Variants in AGGF1 observed in about 807,000 individuals in gnomAD.
AGGF1 encodes the protein angiogenic factor with G patch and FHA domains 1.
AGGF1 carries 56 observed loss-of-function variants against 86.5 expected under a neutral mutation model. The observed-to-expected ratio is 0.65, with a 90% CI of 0.52 to 0.81. The LOEUF is 0.81. Ranked by LOEUF, AGGF1 falls within the 30% of genes least tolerant of loss-of-function variation. AGGF1 has a pLI of 0.00. For synonymous variants in AGGF1, 313 were observed against 297.1 expected, an observed-to-expected ratio of 1.05 and a Z score of -0.55; for missense variants, 816 against 850.9, an observed-to-expected ratio of 0.96 and a Z score of 0.51.
At position 77,030,406 on chromosome 5, in the gene AGGF1, C is replaced by T. The variant is rs746392812; in HGVS notation, c.-361C>T. 21 of 494,832 alleles carry T rather than the reference C, an allele frequency of 4.2e-5. No individual in the cohort carries two copies. The highest frequency in any genetic ancestry group is 1.8e-4 in the South Asian group (12 of 64,904). 30.7% of individuals were successfully genotyped at this position (494,832 alleles called of 1,614,324 possible). On this transcript the variant is annotated 5_prime_UTR_variant, in exon 1 of 14. Transcript: ENST00000312916. ...TCTTGGTCCCGCCTGCCGCTGGCGC[C>T]GTTGTTTCCGGCTCAACTGGGGAGC... is the stretch of plus-strand genomic sequence containing the variant.
chr5:77,052,670 A>C, intron 8 of AGGF1, 36 bp from the exon 9 acceptor site: 1 of 1,466,514 alleles, frequency 6.8e-7, no homozygotes, highest in Non-Finnish European at 9.5e-7. Context: ...TTTGAAAAGT[A>C]TAATAATTAA....
At chr5:77,057,853 GTT>G (rs1747487264) in intron 11 of AGGF1, among the ~76,000 whole-genome samples, 1 of 152,206 alleles carries the variant, frequency 6.6e-6, no homozygotes, top group Non-Finnish European at 1.5e-5. Flanking sequence ...AGCCTGGACT[GTT>G]TTAGCCAATC....
rs1451342171 is a variant in AGGF1 at position 77,064,887 on chromosome 5, G to A, written c.*1635G>A. The A allele has an allele frequency of 2.0e-5, 3 of 152,076 alleles. No individual in the cohort carries two copies. Among genetic ancestry groups the A allele is most frequent in the Non-Finnish European group, 4.4e-5 (3 of 68,022 alleles). The allele number at this position is 152,076 out of a possible 1,614,324, so 9.4% of individuals were successfully genotyped here. On this transcript the variant is annotated 3_prime_UTR_variant, in exon 14 of 14. Transcript: ENST00000312916. ...TTTCCATTTGTATTATTATATTGGG[G>A]AAAACATTTTTTATCATTTTCTATT...
In AGGF1 at chr5:77,030,719, C is replaced by T. The variant is rs74730389; in HGVS notation, c.-48C>T. On this transcript the variant is annotated 5_prime_UTR_variant, in exon 1 of 14. Coordinates refer to ENST00000312916, the MANE Select transcript of AGGF1 (RefSeq NM_018046.5). ...CTGGGTCCGCCGGCGTCCGTTTCGG[C>T]CTGAACGCAGCCCCTCCGCGGCGAC... is the stretch of plus-strand genomic sequence containing the variant. 2,566 of 1,539,904 alleles carry T rather than the reference C, an allele frequency of 1.7e-3. 29 individuals are homozygous for T. In the African/African-American group the frequency reaches 0.029, roughly 17 times the overall value.
intron 4 of AGGF1, among the ~76,000 whole-genome samples, chr5:77,038,188 G>A (rs1015107897): frequency 6.6e-6 from 1 of 152,146 alleles, no homozygotes; most frequent in African/African-American, 2.4e-5. Context: ...TAAAGAGAGG[G>A]TTTTCTTTCA....
chr5:77,062,901 A>G (rs1747586839), intron 13 of AGGF1, 151 bp from the exon 14 acceptor site: 3 of 767,612 alleles, frequency 3.9e-6, no homozygotes, highest in Admixed American at 2.0e-5. Flanking sequence ...AAAGGTATAT[A>G]TATTCCTGTA....
intron 8 of AGGF1, among the ~76,000 whole-genome samples, chr5:77,050,232 C>T (rs533779457): frequency 8.6e-5 from 13 of 150,644 alleles, no homozygotes; most frequent in Admixed American, 2.0e-4. Context: ...AATAGCAAAG[C>T]GATCTGAGAT....
chr5:77,038,218 A>G (rs1163369632), intron 4 of AGGF1, among the ~76,000 whole-genome samples: 1 of 152,238 alleles, frequency 6.6e-6, no homozygotes. Context: ...CTAATTGACA[A>G]TGCTAATTAA....
At chr5:77,038,106 C>T (rs888960586) in intron 4 of AGGF1, among the ~76,000 whole-genome samples, 1 of 152,086 alleles carries the variant, frequency 6.6e-6, no homozygotes, top group Admixed American at 6.5e-5. Context: ...TAAGATAATA[C>T]TAAATATCTC....
chr5:77,053,514 C>T (rs951918542), intron 9 of AGGF1, among the ~76,000 whole-genome samples: 2 of 151,860 alleles, frequency 1.3e-5, no homozygotes, highest in African/African-American at 4.8e-5. Flanking sequence ...GTGAGACTGT[C>T]TCAAAAAAAG....
At chr5:77,031,035 G>A in intron 1 of AGGF1, 59 bp downstream of exon 1, 1 of 1,576,676 alleles carries the variant, frequency 6.3e-7, no homozygotes. Context: ...TTCGAAGCCC[G>A]TGATAGCCTC....
Position 77,059,534 on chromosome 5 carries a change from A to G in AGGF1, c.1717-82A>G, listed in dbSNP as rs377199884. 4.1e-5 allele frequency: 51 copies of G among 1,258,746 alleles called. No individual in the cohort carries two copies. In the African/African-American group the frequency reaches 6.5e-4, roughly 16 times the overall value. 78.0% of individuals were successfully genotyped at this position (1,258,746 alleles called of 1,614,324 possible). On this transcript the variant is annotated intron_variant, in intron 11 of 13. Transcript: ENST00000312916. ...GTTTATAGAGGCCACATTGAATCAT[A>G]TTCGTTAAGTAAGGCACATGTACAG...
chr5:77,059,253 T>C (rs1181124261), intron 11 of AGGF1, among the ~76,000 whole-genome samples: 1 of 152,232 alleles, frequency 6.6e-6, no homozygotes, highest in Non-Finnish European at 1.5e-5. Flanking sequence ...TATATGTATG[T>C]TGTGGCATAA....
At chr5:77,046,216 C>A in intron 5 of AGGF1, 131 bp from the exon 6 acceptor site, 2 of 830,666 alleles carry the variant, frequency 2.4e-6, no homozygotes, top group Non-Finnish European at 2.1e-6. Flanking sequence ...AGAGGGGGAA[C>A]AGATTGTAAC....
At chr5:77,034,054 G>T (rs1316976003) in intron 1 of AGGF1, among the ~76,000 whole-genome samples, 1 of 152,192 alleles carries the variant, frequency 6.6e-6, no homozygotes, top group East Asian at 1.9e-4. Context: ...AATACCAAAT[G>T]AGTATTAGAT....
In AGGF1 at chr5:77,042,265, C is replaced by T. The variant is rs1279982291; in HGVS notation, c.870+2546C>T. Reference sequence around the variant, plus strand: ...TTCTCAATCTTTTCCCCACCTTTCCCGCCTTTCTATTCCACAAAGCCGCCA... The same window carrying T: ...TTCTCAATCTTTTCCCCACCTTTCCTGCCTTTCTATTCCACAAAGCCGCCA... On this transcript the variant is annotated intron_variant, in intron 5 of 13. Coordinates refer to ENST00000312916, the MANE Select transcript of AGGF1 (RefSeq NM_018046.5). 2.7e-5 allele frequency among the ~76,000 whole-genome samples: 4 copies of T among 149,450 alleles called. No individual in the cohort carries two copies. The East Asian group carries it at 6.1e-4, about 23-fold the overall frequency.
At position 77,046,558 on chromosome 5, in the gene AGGF1, T is replaced by A. The variant is rs2150731617; in HGVS notation, c.1082T>A (p.Ile361Asn). The change falls in exon 6 of 14, where the codon ATC (isoleucine) becomes AAC (asparagine). Residue 361 changes from isoleucine to asparagine, a missense_variant. This residue lies in a region of AGGF1 where 565 missense variants were observed against 585.8 expected (regional missense o/e 0.96). Transcript: ENST00000312916. Reference sequence around the variant, plus strand: ...TCAACATCATTTAAAGATGAGAAAATCATGGAGACTGATAGTGAACCAGAG... The same window carrying A: ...TCAACATCATTTAAAGATGAGAAAAACATGGAGACTGATAGTGAACCAGAG... ...SNSTSFKDEK[I>N]METDSEPEEG... 6.2e-7 allele frequency: 1 copy of A among 1,613,686 alleles called. No homozygotes were observed. The highest frequency in any genetic ancestry group is 8.5e-7 in the Non-Finnish European group (1 of 1,179,834).
chr5:77,031,935 A>AT (rs948385014), intron 1 of AGGF1, among the ~76,000 whole-genome samples: 3 of 151,848 alleles, frequency 2.0e-5, no homozygotes, highest in African/African-American at 7.3e-5. Context: ...AGAGCATAGT[A>AT]TTTTTTTCTA....
intron 6 of AGGF1, among the ~76,000 whole-genome samples, chr5:77,047,492 G>A (rs892919134): frequency 6.6e-6 from 1 of 152,128 alleles, no homozygotes; most frequent in Non-Finnish European, 1.5e-5. Context: ...AGCTTACTTT[G>A]TTCTTTGGTT....
Sources: gnomAD v4.1 joint callset for allele counts (sites outside exome capture counted in the v4.1 genomes callset) on GRCh38, gnomAD v4.1.1 for gene constraint, gnomAD v4.1.1 regional missense constraint, MANE v1.5 for transcripts, NCBI Gene and HGNC (gene_info 2026-07-23, HGNC 2026-07-21) for gene names.